VCL: variants seen among roughly 807,000 people sequenced by gnomAD.
VCL encodes vinculin, also known as epididymis luminal protein 114.
Under a neutral mutation model 125.7 loss-of-function variants are expected in VCL, and 47 were observed. The observed-to-expected ratio is 0.37, with a 90% CI of 0.30 to 0.48. VCL has a LOEUF of 0.48. Ranked by LOEUF, VCL falls within the 20% of genes least tolerant of loss-of-function variation. The pLI, the probability that VCL is intolerant of heterozygous loss-of-function variation, is 0.99. For synonymous variants in VCL, 458 were observed against 514.6 expected, an observed-to-expected ratio of 0.89 and a Z score of 1.49; for missense variants, 1,069 against 1,455.5, an observed-to-expected ratio of 0.73 and a Z score of 4.32.
intron 1 of VCL, among the ~76,000 whole-genome samples, chr10:73,998,626 G>A (rs1254839054): frequency 6.6e-6 from 1 of 152,226 alleles, no homozygotes; most frequent in African/African-American, 2.4e-5. Context: ...CGGGCTTGTC[G>A]TGAAGATATG....
At chr10:74,080,120 T>C (rs1309284500) in intron 6 of VCL, among the ~76,000 whole-genome samples, 1 of 152,160 alleles carries the variant, frequency 6.6e-6, no homozygotes, top group East Asian at 1.9e-4. Context: ...AAACTATTTT[T>C]TCCATTGTGT....
At chr10:74,010,410 T>C (rs1840411497) in intron 1 of VCL, among the ~76,000 whole-genome samples, 1 of 152,202 alleles carries the variant, frequency 6.6e-6, no homozygotes. Flanking sequence ...TGTCTTCATA[T>C]AGTCTGAAAG....
rs567028020 is a variant in VCL, at chr10:74,041,306, G to A, written c.169-1777G>A. Among the ~76,000 whole-genome samples the A allele has an allele frequency of 2.1e-3, 325 of 151,904 alleles. 1 individual carries two copies. Among genetic ancestry groups the A allele is most frequent in the African/African-American group, 7.3e-3 (301 of 41,404 alleles). ...AAATATGATTTAGTACTCTTAGGTG[G>A]CTTTATATTGTTAAAATGGGTGAAT... On this transcript the variant is annotated intron_variant, in intron 1 of 21. Coordinates refer to ENST00000211998, the MANE Select transcript of VCL (RefSeq NM_014000.3).
At position 74,094,274 on chromosome 10, in the gene VCL, G is replaced by T; in HGVS notation, c.1356G>T (p.Gly452=). The T allele has an allele frequency of 6.2e-7, 1 of 1,614,120 alleles. No individual in the cohort carries two copies. The highest frequency in any genetic ancestry group is 1.1e-5 in the South Asian group (1 of 91,070). Residue 452 remains glycine (G), a synonymous_variant, in exon 11 of 22, where the codon GGG becomes GGT. Transcript: ENST00000211998. ...TSKLADLRRQ[G]KGDSPEARAL... The stretch of plus-strand genomic sequence containing the variant: ...ATGGCTGTCTTTTTCTCTGTAGGGG[G>T]AAAGGAGATTCTCCAGAGGCTCGAG...
At chr10:74,086,135 G>A (rs1458031791) in intron 8 of VCL, among the ~76,000 whole-genome samples, 1 of 152,200 alleles carries the variant, frequency 6.6e-6, no homozygotes, top group African/African-American at 2.4e-5. Context: ...CCAAAGTGCT[G>A]GGATTACGGG....
rs1179250451 is a variant in VCL at position 74,011,243 on chromosome 10, T to C, written c.168+12868T>C. On this transcript the variant is annotated intron_variant, in intron 1 of 21. Transcript: ENST00000211998. The stretch of plus-strand genomic sequence containing the variant: ...AAATTAAGTATGTGCATTGCATGTA[T>C]GCAAAGAGGTAGAGTGGGATAGAGT... Among the ~76,000 whole-genome samples the C allele has an allele frequency of 3.3e-5, 5 of 151,100 alleles. No homozygotes were observed. In the East Asian group the frequency reaches 9.7e-4, roughly 29 times the overall value.
At chr10:74,091,791 CAAAA>C (rs545539526) in intron 10 of VCL, among the ~76,000 whole-genome samples, 1 of 61,106 alleles carries the variant, frequency 1.6e-5, no homozygotes, top group African/African-American at 5.3e-5. Flanking sequence ...TCTGTCTCAG[CAAAA>C]AAAAAAAAAA....
rs1347881196 is a variant in VCL at position 74,002,835 on chromosome 10, T to A, written c.168+4460T>A. Among the ~76,000 whole-genome samples, 3 of 148,272 alleles carry A rather than the reference T, an allele frequency of 2.0e-5. No individual in the cohort carries two copies. In the East Asian group the frequency reaches 6.0e-4, roughly 30 times the overall value. ...AGGTGGAGGTTGCACTGAGCTGAGA[T>A]CTTGCCACTGCATTCCAGCCTGGTG... is the stretch of plus-strand genomic sequence containing the variant. On this transcript the variant is annotated intron_variant, in intron 1 of 21. Coordinates refer to ENST00000211998, the MANE Select transcript of VCL (RefSeq NM_014000.3).
At chr10:74,087,147 A>C (rs1354190152) in intron 8 of VCL, among the ~76,000 whole-genome samples, 4 of 152,032 alleles carry the variant, frequency 2.6e-5, no homozygotes, top group Non-Finnish European at 5.9e-5. Flanking sequence ...TTAAATCCTA[A>C]AGACTATGTT....
chr10:74,107,367 A>G lies in VCL; in HGVS notation c.2559+13A>G, dbSNP rs202019926. 8 of 1,614,202 alleles carry G rather than the reference A, an allele frequency of 5.0e-6. No homozygotes were observed. The highest frequency in any genetic ancestry group is 1.7e-4 in the Middle Eastern group (1 of 6,060). Reference sequence around the variant, plus strand: ...TGAACAACTCCGAGTAAGTAAATTCAGATATGCAGAGAATTGAGCAGGAAG... The same window carrying G: ...TGAACAACTCCGAGTAAGTAAATTCGGATATGCAGAGAATTGAGCAGGAAG... On this transcript the variant is annotated intron_variant, in intron 17 of 21. Coordinates refer to ENST00000211998, the MANE Select transcript of VCL (RefSeq NM_014000.3).
chr10:74,007,157 A>C (rs963301571), intron 1 of VCL, among the ~76,000 whole-genome samples: 12 of 152,130 alleles, frequency 7.9e-5, no homozygotes, highest in Middle Eastern at 3.4e-3. Flanking sequence ...TATTTAAACA[A>C]ATATCCAAAT....
chr10:74,080,967 G>A (rs1839665653), intron 6 of VCL, among the ~76,000 whole-genome samples: 2 of 152,176 alleles, frequency 1.3e-5, no homozygotes, highest in African/African-American at 4.8e-5. Context: ...GGAGAGATTT[G>A]CTGATATTCA....
chr10:74,041,277 T>C (rs989949348), intron 1 of VCL, among the ~76,000 whole-genome samples: 9 of 152,224 alleles, frequency 5.9e-5, no homozygotes, highest in African/African-American at 2.2e-4. Context: ...AAAATATGGT[T>C]TATAAATATG....
intron 1 of VCL, among the ~76,000 whole-genome samples, chr10:74,029,837 A>C (rs567197281): frequency 6.6e-6 from 1 of 152,194 alleles, no homozygotes; most frequent in East Asian, 1.9e-4. Flanking sequence ...CTGATTATGA[A>C]GGCAATACAT....
At chr10:74,109,240 T>G in intron 18 of VCL, 84 bp downstream of exon 18, 1 of 1,535,136 alleles carries the variant, frequency 6.5e-7, no homozygotes, top group Non-Finnish European at 8.9e-7. Context: ...AAGAAGAGTC[T>G]ATTTGGAGTC....
intron 6 of VCL, among the ~76,000 whole-genome samples, chr10:74,078,538 A>G (rs1339086652): frequency 6.6e-6 from 1 of 152,200 alleles, no homozygotes; most frequent in Non-Finnish European, 1.5e-5. Flanking sequence ...TCAGGCATTT[A>G]TGATATTTTA....
Position 74,116,698 on chromosome 10 carries a change from AT to A in VCL, c.3259-1324del, listed in dbSNP as rs1266631143. The stretch of plus-strand genomic sequence containing the variant: ...TGAAACTCCGTCTCAAAAAAAAAAA[AT>A]AATAATAAAATAAAATAAAATAAAC... On this transcript the variant is annotated intron_variant, in intron 21 of 21. Transcript: ENST00000211998. Among the ~76,000 whole-genome samples the A allele has an allele frequency of 8.0e-3, 1,140 of 142,738 alleles. 22 individuals carry two copies. The highest frequency in any genetic ancestry group is 0.025 in the African/African-American group (962 of 38,060). The allele number at this position is 142,738 out of a possible 152,430, so 93.6% of individuals were successfully genotyped here.
intron 1 of VCL, among the ~76,000 whole-genome samples, chr10:74,028,785 T>G (rs1840821255): frequency 6.6e-6 from 1 of 152,172 alleles, no homozygotes; most frequent in Non-Finnish European, 1.5e-5. Flanking sequence ...TAATTATTGC[T>G]TGATTTCCTG....
rs199507346 is a variant in VCL at position 74,111,962 on chromosome 10, G to A, written c.2799G>A (p.Ala933=). The A allele has an allele frequency of 8.1e-5, 131 of 1,614,126 alleles. No individual in the cohort carries two copies. Among genetic ancestry groups the A allele is most frequent in the Non-Finnish European group, 1.1e-4 (125 of 1,180,022 alleles). Residue 933 remains alanine, a synonymous_variant, in exon 19 of 22, where the codon GCG becomes GCA. Transcript: ENST00000211998. The part of the protein sequence containing the change: ...VGIGVVAEAD[A]ADAAGFPVPP... Reference sequence around the variant, plus strand: ...TAGGTGTTGTAGCTGAGGCAGATGCGGCCGATGCTGCTGGCTTCCCTGTCC... The same window carrying A: ...TAGGTGTTGTAGCTGAGGCAGATGCAGCCGATGCTGCTGGCTTCCCTGTCC...
Sources: allele counts gnomAD v4.1 joint callset (sites outside exome capture counted in the v4.1 genomes callset), GRCh38; gene constraint gnomAD v4.1.1; transcripts MANE v1.5; gene names NCBI Gene and HGNC (gene_info 2026-07-23, HGNC 2026-07-21).